The following CTNNA3 variants were observed in gnomAD, a reference collection of about 807,000 sequenced individuals.
CTNNA3 encodes catenin alpha 3.
Under a neutral mutation model 95.7 loss-of-function variants are expected in CTNNA3, and 76 were observed. The observed-to-expected ratio is 0.79, with a 90% CI of 0.66 to 0.96. CTNNA3 has a LOEUF of 0.96. Ranked by LOEUF, CTNNA3 falls within the 40% of genes least tolerant of loss-of-function variation. CTNNA3 has a pLI of 0.00. For synonymous variants in CTNNA3, 431 were observed against 374.4 expected (o/e 1.15, Z -1.74); for missense variants, 1,191 against 1,089.8 (o/e 1.09, Z -1.31).
chr10:67,095,485 T>C (rs1857933094), intron 7 of CTNNA3, among the ~76,000 whole-genome samples: 1 of 151,776 alleles, frequency 6.6e-6, no homozygotes, highest in Non-Finnish European at 1.5e-5. Context: ...ATTTAATTGA[T>C]AATGGTTCAA....
At chr10:66,523,039 GA>G (rs1841125202) in intron 10 of CTNNA3, among the ~76,000 whole-genome samples, 1 of 152,040 alleles carries the variant, frequency 6.6e-6, no homozygotes, top group Non-Finnish European at 1.5e-5. Flanking sequence ...TTCTACAAAA[GA>G]GGAACATATT....
intron 12 of CTNNA3, among the ~76,000 whole-genome samples, chr10:66,300,107 T>C (rs1416387165): frequency 6.6e-6 from 1 of 151,964 alleles, no homozygotes; most frequent in African/African-American, 2.4e-5. Context: ...TTGGCCAGGC[T>C]GGTCTTGAAC....
intron 5 of CTNNA3, among the ~76,000 whole-genome samples, chr10:67,450,769 G>A (rs1028112723): frequency 2.6e-5 from 4 of 151,554 alleles, no homozygotes; most frequent in Non-Finnish European, 5.9e-5. Context: ...GCACATGTAC[G>A]CTGAACCTAA....
At chr10:67,750,490 G>A in intron 1 of CTNNA3, 1 of 1,541,460 alleles carries the variant, frequency 6.5e-7, no homozygotes, top group Non-Finnish European at 9.0e-7. Context: ...AGGCTGTAAA[G>A]CGGGAGGACC....
At chr10:65,963,721 A>G (rs183368371) in intron 17 of CTNNA3, among the ~76,000 whole-genome samples, 26 of 152,322 alleles carry the variant, frequency 1.7e-4, no homozygotes, top group Admixed American at 5.2e-4. Flanking sequence ...GGCTCAATTC[A>G]TAGTAATGGA....
At chr10:66,179,773 T>C (rs2085941138) in intron 13 of CTNNA3, among the ~76,000 whole-genome samples, 1 of 152,068 alleles carries the variant, frequency 6.6e-6, no homozygotes, top group Non-Finnish European at 1.5e-5. Context: ...AATATGCTTG[T>C]AATCTAAAAT....
At chr10:67,302,990 C>A (rs935355637) in intron 5 of CTNNA3, among the ~76,000 whole-genome samples, 9 of 152,176 alleles carry the variant, frequency 5.9e-5, no homozygotes, top group African/African-American at 2.2e-4. Context: ...GGGAACCTGT[C>A]AGAAATGCAA....
intron 5 of CTNNA3, among the ~76,000 whole-genome samples, chr10:67,229,529 T>C (rs1227178856): frequency 6.6e-6 from 1 of 152,160 alleles, no homozygotes; most frequent in Non-Finnish European, 1.5e-5. Context: ...AGTCAAGCTG[T>C]CACTATTTAC....
At chr10:67,156,575 G>T (rs1394242966) in intron 7 of CTNNA3, among the ~76,000 whole-genome samples, 1 of 151,628 alleles carries the variant, frequency 6.6e-6, no homozygotes, top group Non-Finnish European at 1.5e-5. Context: ...CAACATACTT[G>T]TGAATTTTCC....
intron 3 of CTNNA3, among the ~76,000 whole-genome samples, chr10:67,577,073 A>T: frequency 6.6e-6 from 1 of 150,818 alleles, no homozygotes; most frequent in East Asian, 2.0e-4. Flanking sequence ...ATACCCAGTA[A>T]TGGGATGGCT....
rs1047234809 is a variant in CTNNA3, at chr10:67,196,845, T to C, written c.844-16325A>G. On this transcript the variant is annotated intron_variant, in intron 6 of 17. Transcript: ENST00000433211. The stretch of plus-strand genomic sequence containing the variant: ...ATATTGAATTAATCTTACCATAATA[T>C]TATAGACTGAGGCAATATATATTAA... 2.4e-4 allele frequency among the ~76,000 whole-genome samples: 36 copies of C among 152,112 alleles called. 1 individual carries two copies. Among genetic ancestry groups the C allele is most frequent in the African/African-American group, 8.4e-4 (35 of 41,450 alleles).
At chr10:67,425,240 T>G (rs763449701) in intron 5 of CTNNA3, among the ~76,000 whole-genome samples, 2 of 152,122 alleles carry the variant, frequency 1.3e-5, no homozygotes, top group Non-Finnish European at 2.9e-5. Flanking sequence ...TACTCAGCCA[T>G]GTAGGTGCTA....
intron 13 of CTNNA3, among the ~76,000 whole-genome samples, chr10:66,251,832 T>C (rs1589855286): frequency 6.6e-6 from 1 of 152,188 alleles, no homozygotes; most frequent in Non-Finnish European, 1.5e-5. Flanking sequence ...TTAACTTGCA[T>C]TGGAGCATTT....
At chr10:66,435,218 A>C (rs529419951) in intron 11 of CTNNA3, among the ~76,000 whole-genome samples, 3 of 152,136 alleles carry the variant, frequency 2.0e-5, no homozygotes, top group Non-Finnish European at 4.4e-5. Context: ...TTCAGAAGGA[A>C]TGGAACCAGC....
intron 11 of CTNNA3, among the ~76,000 whole-genome samples, chr10:66,418,935 G>A (rs961611859): frequency 1.3e-5 from 2 of 152,160 alleles, no homozygotes; most frequent in East Asian, 3.9e-4. Context: ...ATGGGGAAAA[G>A]TTTGGAGGCC....
At chr10:67,543,748 T>A (rs1468325797) in intron 3 of CTNNA3, among the ~76,000 whole-genome samples, 4 of 152,194 alleles carry the variant, frequency 2.6e-5, no homozygotes, top group Non-Finnish European at 5.9e-5. Flanking sequence ...ATTCAATATA[T>A]AATAGGGTTC....
At chr10:67,703,565 A>G (rs1455875928) in intron 1 of CTNNA3, among the ~76,000 whole-genome samples, 1 of 152,242 alleles carries the variant, frequency 6.6e-6, no homozygotes, top group African/African-American at 2.4e-5. Context: ...GCTTTTGACA[A>G]AATTCAACAG....
chr10:67,480,999 A>G (rs920023426), intron 5 of CTNNA3, among the ~76,000 whole-genome samples: 3 of 152,180 alleles, frequency 2.0e-5, no homozygotes, highest in African/African-American at 4.8e-5. Context: ...GGAGTTTTTT[A>G]TCATGAAGCA....
At chr10:67,058,820 G>C (rs1277237887) in intron 7 of CTNNA3, among the ~76,000 whole-genome samples, 1 of 152,050 alleles carries the variant, frequency 6.6e-6, no homozygotes, top group East Asian at 1.9e-4. Flanking sequence ...TGAGTTCTAG[G>C]CTGTTTTCTA....
Sources: allele counts gnomAD v4.1 joint callset (sites outside exome capture counted in the v4.1 genomes callset), GRCh38; gene constraint gnomAD v4.1.1; transcripts MANE v1.5; gene names NCBI Gene and HGNC (gene_info 2026-07-23, HGNC 2026-07-21).